CFAP299: variants seen among roughly 807,000 people sequenced by gnomAD.
The protein encoded by CFAP299 is cilia and flagella associated protein 299.
Under a neutral mutation model 27.0 loss-of-function variants are expected in CFAP299, and 21 were observed. The ratio of observed to expected loss-of-function variants is 0.78; its 90% confidence interval spans 0.55 to 1.12. The LOEUF is 1.12. Ranked by LOEUF, CFAP299 falls within the 50% of genes most tolerant of loss-of-function variation. The probability of loss-of-function intolerance (pLI) is 0.00; values close to 1 mark genes in which losing one functional copy is unlikely to be tolerated. For synonymous variants in CFAP299, 104 were observed against 98.1 expected (o/e 1.06, Z -0.36); for missense variants, 310 against 276.6 (o/e 1.12, Z -0.86).
intron 4 of CFAP299, among the ~76,000 whole-genome samples, chr4:80,892,739 T>TAAAGGCATG (rs1214535122): frequency 6.6e-6 from 1 of 152,040 alleles, no homozygotes; most frequent in East Asian, 1.9e-4. Flanking sequence ...CTCAACATAA[T>TAAAGGCATG]AAAGGCATGA....
At chr4:80,514,288 C>T (rs1419167498) in intron 2 of CFAP299, among the ~76,000 whole-genome samples, 1 of 151,840 alleles carries the variant, frequency 6.6e-6, no homozygotes, top group African/African-American at 2.4e-5. Flanking sequence ...CTTAAGGGAT[C>T]GATATTGCTC....
intron 3 of CFAP299, among the ~76,000 whole-genome samples, chr4:80,710,487 T>C (rs1384747055): frequency 3.6e-5 from 4 of 109,664 alleles, no homozygotes; most frequent in Non-Finnish European, 6.1e-5. Flanking sequence ...CTTTTTCTTT[T>C]TTTTTTTTTT....
At position 80,799,682 on chromosome 4, in the gene CFAP299, T is replaced by TATATTATATATTTA. The variant is rs1728204788; in HGVS notation, c.334-70310_334-70309insTATTATATATTTAA. ...ATTATATTTTATAAATATATATTTA[T>TATATTATATATTTA]AAATATATAATATATAAAATATATA... On this transcript the variant is annotated intron_variant, in intron 3 of 5. Coordinates refer to ENST00000358105, the MANE Select transcript of CFAP299 (RefSeq NM_152770.3). Among the ~76,000 whole-genome samples the TATATTATATATTTA allele has an allele frequency of 1.1e-3, 10 of 9,434 alleles. 1 individual carries two copies. The highest frequency in any genetic ancestry group is 8.5e-4 in the Non-Finnish European group (2 of 2,352). The allele number at this position is 9,434 out of a possible 152,430, so 6.2% of individuals were successfully genotyped here. A position where few individuals can be genotyped will look rare whatever the true frequency, so the allele number is the denominator to read the frequency against.
At chr4:80,553,795 T>C (rs192233062) in intron 2 of CFAP299, among the ~76,000 whole-genome samples, 2 of 152,298 alleles carry the variant, frequency 1.3e-5, no homozygotes, top group Admixed American at 1.3e-4. Flanking sequence ...TGCATGTATG[T>C]CTTCTTTTGA....
intron 2 of CFAP299, among the ~76,000 whole-genome samples, chr4:80,405,280 G>A (rs1049190139): frequency 1.3e-5 from 2 of 152,150 alleles, no homozygotes; most frequent in African/African-American, 2.4e-5. Flanking sequence ...GTGTTTAGAT[G>A]AGCCTAAGAA....
chr4:80,795,852 GT>G (rs1318685930), intron 3 of CFAP299, among the ~76,000 whole-genome samples: 1 of 152,148 alleles, frequency 6.6e-6, no homozygotes, highest in Non-Finnish European at 1.5e-5. Flanking sequence ...AATAAGAGTA[GT>G]TATTTGCAGA....
At chr4:80,850,226 G>A (rs79361838) in intron 3 of CFAP299, among the ~76,000 whole-genome samples, 2,912 of 140,938 alleles carry the variant, frequency 0.021, 66 homozygotes, top group East Asian at 0.063. Context: ...GCTTTATGGC[G>A]GTGGGGGGGG....
chr4:80,805,695 A>G (rs1578143495), intron 3 of CFAP299, among the ~76,000 whole-genome samples: 1 of 152,110 alleles, frequency 6.6e-6, no homozygotes, highest in East Asian at 1.9e-4. Flanking sequence ...AAGTAAAAAA[A>G]TAAAATAAAA....
chr4:80,525,702 C>T (rs1733143487), intron 2 of CFAP299, among the ~76,000 whole-genome samples: 1 of 152,128 alleles, frequency 6.6e-6, no homozygotes, highest in South Asian at 2.1e-4. Flanking sequence ...TCTTTCAGAT[C>T]CTTGGCTTCC....
chr4:80,505,227 C>T lies in CFAP299; in HGVS notation c.243-77866C>T, dbSNP rs1016716864. On this transcript the variant is annotated intron_variant, in intron 2 of 5. Coordinates refer to ENST00000358105, the MANE Select transcript of CFAP299 (RefSeq NM_152770.3). ...TTCTGGGGCAGCAATAGATTAGGTA[C>T]TGATTTACTTGATACTCCTTAAGGA... is the stretch of plus-strand genomic sequence containing the variant. Among the ~76,000 whole-genome samples the T allele has an allele frequency of 2.0e-5, 3 of 151,896 alleles. 1 individual carries two copies. Among genetic ancestry groups the T allele is most frequent in the Non-Finnish European group, 4.4e-5 (3 of 67,968 alleles).
chr4:80,731,805 C>A (rs548842805), intron 3 of CFAP299, among the ~76,000 whole-genome samples: 10 of 152,062 alleles, frequency 6.6e-5, no homozygotes, highest in Admixed American at 6.6e-4. Context: ...ATGATTATTA[C>A]CTGTTCATTT....
At chr4:80,403,429 T>C (rs975542079) in intron 2 of CFAP299, among the ~76,000 whole-genome samples, 1 of 152,236 alleles carries the variant, frequency 6.6e-6, no homozygotes, top group East Asian at 1.9e-4. Context: ...GTTTTGAATC[T>C]TGTTCATCCT....
At chr4:80,568,838 C>A (rs1168553004) in intron 2 of CFAP299, among the ~76,000 whole-genome samples, 1 of 152,106 alleles carries the variant, frequency 6.6e-6, no homozygotes, top group Admixed American at 6.6e-5. Context: ...GCACAGGGAA[C>A]TGTGCAATGG....
At chr4:80,916,531 G>T (rs1171116483) in intron 4 of CFAP299, among the ~76,000 whole-genome samples, 1 of 151,600 alleles carries the variant, frequency 6.6e-6, no homozygotes, top group Non-Finnish European at 1.5e-5. Flanking sequence ...GGTCTAAGTT[G>T]CCCCTACAAC....
chr4:80,627,604 A>G (rs1225488755), intron 3 of CFAP299, among the ~76,000 whole-genome samples: 1 of 152,022 alleles, frequency 6.6e-6, no homozygotes, highest in Non-Finnish European at 1.5e-5. Flanking sequence ...AAGACTTTAC[A>G]AAAAGAAACC....
At chr4:80,688,744 C>G (rs1345614451) in intron 3 of CFAP299, among the ~76,000 whole-genome samples, 6 of 152,128 alleles carry the variant, frequency 3.9e-5, no homozygotes, top group Admixed American at 1.3e-4. Context: ...CAAATTACTC[C>G]GAGCTACGGG....
At chr4:80,809,377 A>C (rs1419696698) in intron 3 of CFAP299, among the ~76,000 whole-genome samples, 1 of 152,106 alleles carries the variant, frequency 6.6e-6, no homozygotes, top group Non-Finnish European at 1.5e-5. Context: ...TAAGTAAGTA[A>C]ATTTTCCACA....
chr4:80,959,971 G>GAA (rs1738262908), intron 5 of CFAP299, among the ~76,000 whole-genome samples: 3 of 151,802 alleles, frequency 2.0e-5, no homozygotes, highest in African/African-American at 7.2e-5. Context: ...AAGAACCTTA[G>GAA]CTCTTTATAT....
At chr4:80,856,178 T>C (rs1731870716) in intron 3 of CFAP299, among the ~76,000 whole-genome samples, 2 of 151,728 alleles carry the variant, frequency 1.3e-5, no homozygotes, top group South Asian at 2.1e-4. Flanking sequence ...CATTTTTTCA[T>C]GTGTTTTTTG....
Sources: gnomAD v4.1 joint callset for allele counts (sites outside exome capture counted in the v4.1 genomes callset) on GRCh38, gnomAD v4.1.1 for gene constraint, MANE v1.5 for transcripts, NCBI Gene and HGNC (gene_info 2026-07-23, HGNC 2026-07-21) for gene names.